DCC: variants seen among roughly 807,000 people sequenced by gnomAD.
DCC encodes the protein netrin receptor DCC.
Under a neutral mutation model 172.5 loss-of-function variants are expected in DCC, and 58 were observed. The observed-to-expected ratio is 0.34, with a 90% CI of 0.27 to 0.42. The LOEUF is 0.42. Among genes scored for constraint, DCC ranks in the 10% least tolerant of loss-of-function variants. The probability of loss-of-function intolerance (pLI) is 1.00; values close to 1 mark genes in which losing one functional copy is unlikely to be tolerated. For synonymous variants in DCC, 709 were observed against 644.5 expected, an observed-to-expected ratio of 1.10 and a Z score of -1.52; for missense variants, 1,740 against 1,791.0, an observed-to-expected ratio of 0.97 and a Z score of 0.51.
chr18:53,317,660 A>T (rs757846287), intron 13 of DCC, among the ~76,000 whole-genome samples: 1 of 152,056 alleles, frequency 6.6e-6, no homozygotes, highest in Non-Finnish European at 1.5e-5. Context: ...AGAACTTGCT[A>T]TTGTTCTACT....
intron 1 of DCC, among the ~76,000 whole-genome samples, chr18:52,678,675 A>G (rs2035688130): frequency 6.6e-6 from 1 of 152,178 alleles, no homozygotes. Context: ...TACAAAGAAC[A>G]CACATGAATA....
chr18:53,294,002 TG>T (rs2057036378), intron 12 of DCC, among the ~76,000 whole-genome samples: 1 of 152,218 alleles, frequency 6.6e-6, no homozygotes, highest in African/African-American at 2.4e-5. Flanking sequence ...TCAAGTCTCC[TG>T]TGCTCCTACA....
chr18:53,177,340 GAAA>G (rs1047265087), intron 8 of DCC, among the ~76,000 whole-genome samples: 191 of 151,974 alleles, frequency 1.3e-3, no homozygotes, highest in African/African-American at 4.2e-3. Flanking sequence ...TAAAAAAAAA[GAAA>G]AAAATTATTT....
intron 24 of DCC, among the ~76,000 whole-genome samples, chr18:53,464,989 A>G (rs1360862276): frequency 6.6e-6 from 1 of 151,366 alleles, no homozygotes; most frequent in Admixed American, 6.6e-5. Flanking sequence ...CAAAAAAAAA[A>G]AAAAAAAAAA....
intron 2 of DCC, among the ~76,000 whole-genome samples, chr18:52,780,699 G>A (rs2037523197): frequency 6.6e-6 from 1 of 152,118 alleles, no homozygotes; most frequent in African/African-American, 2.4e-5. Context: ...GTTCTTTCTG[G>A]TGTCCTTGTG....
At chr18:52,839,642 C>T (rs1011418632) in intron 2 of DCC, among the ~76,000 whole-genome samples, 2 of 152,098 alleles carry the variant, frequency 1.3e-5, no homozygotes, top group African/African-American at 4.8e-5. Context: ...CTTGGCAAAA[C>T]AGGTTATGAT....
At chr18:53,331,012 T>C (rs1177138351) in intron 14 of DCC, among the ~76,000 whole-genome samples, 1 of 152,184 alleles carries the variant, frequency 6.6e-6, no homozygotes, top group Non-Finnish European at 1.5e-5. Flanking sequence ...GTGTAACACT[T>C]ACATAGTTTG....
chr18:53,475,297 G>C (rs761029585), intron 25 of DCC, among the ~76,000 whole-genome samples: 1 of 152,182 alleles, frequency 6.6e-6, no homozygotes. Context: ...TCAATGAGGA[G>C]CTGACTGTTA....
At chr18:52,802,771 G>A (rs2038017296) in intron 2 of DCC, among the ~76,000 whole-genome samples, 1 of 143,754 alleles carries the variant, frequency 7.0e-6, no homozygotes, top group Non-Finnish European at 1.5e-5. Flanking sequence ...CTCCCAAAGT[G>A]TAAGGATTAC....
At chr18:52,997,416 A>G (rs2041498855) in intron 5 of DCC, among the ~76,000 whole-genome samples, 1 of 152,140 alleles carries the variant, frequency 6.6e-6, no homozygotes, top group Non-Finnish European at 1.5e-5. Flanking sequence ...AGGCTAAAAT[A>G]TGGTTTGAAA....
At chr18:52,794,969 G>T (rs555061762) in intron 2 of DCC, among the ~76,000 whole-genome samples, 19 of 152,062 alleles carry the variant, frequency 1.2e-4, no homozygotes, top group African/African-American at 4.1e-4. Context: ...GCATCCCTGA[G>T]ACAAATCCCC....
intron 27 of DCC, among the ~76,000 whole-genome samples, chr18:53,506,525 A>G (rs1012657487): frequency 2.6e-5 from 4 of 152,280 alleles, no homozygotes; most frequent in Admixed American, 2.0e-4. Context: ...ACAGACATGC[A>G]GTGGCCTCCA....
chr18:52,996,498 G>A (rs946995756), intron 5 of DCC, among the ~76,000 whole-genome samples: 2 of 151,896 alleles, frequency 1.3e-5, no homozygotes, highest in African/African-American at 4.8e-5. Flanking sequence ...TTGTATGCAA[G>A]CAGTATTCTT....
chr18:53,175,051 T>C (rs2055069942), intron 8 of DCC, among the ~76,000 whole-genome samples: 1 of 151,694 alleles, frequency 6.6e-6, no homozygotes, highest in South Asian at 2.1e-4. Flanking sequence ...TAATCCAGCA[T>C]ATAAACAGAG....
At chr18:53,098,222 C>G (rs559260915) in intron 7 of DCC, among the ~76,000 whole-genome samples, 5 of 151,754 alleles carry the variant, frequency 3.3e-5, no homozygotes, top group Middle Eastern at 3.4e-3. Flanking sequence ...AATTCTGAAA[C>G]AATTCCAAGC....
At chr18:52,816,502 A>G (rs1196145840) in intron 2 of DCC, 2 of 152,156 alleles carry the variant, frequency 1.3e-5, no homozygotes, top group Non-Finnish European at 2.9e-5. Context: ...TCCTATCTAT[A>G]ACTTAGGTAC....
At chr18:53,267,820 C>G (rs553825323) in intron 12 of DCC, among the ~76,000 whole-genome samples, 2 of 152,074 alleles carry the variant, frequency 1.3e-5, no homozygotes, top group Non-Finnish European at 2.9e-5. Flanking sequence ...TGGGACTTGT[C>G]AAGTTGAGTA....
At chr18:52,867,873 T>C (rs1158213452) in intron 2 of DCC, among the ~76,000 whole-genome samples, 1 of 152,032 alleles carries the variant, frequency 6.6e-6, no homozygotes, top group Non-Finnish European at 1.5e-5. Flanking sequence ...ATACAAAGGA[T>C]TTTAACTTTG....
intron 1 of DCC, among the ~76,000 whole-genome samples, chr18:52,700,397 G>GCA (rs1328234442): frequency 6.7e-6 from 1 of 148,716 alleles, no homozygotes; most frequent in South Asian, 2.2e-4. Flanking sequence ...TCATGCACAT[G>GCA]CACACACACA....
Sources: allele counts gnomAD v4.1 joint callset (sites outside exome capture counted in the v4.1 genomes callset), GRCh38; gene constraint gnomAD v4.1.1; transcripts MANE v1.5; gene names NCBI Gene and HGNC (gene_info 2026-07-23, HGNC 2026-07-21).